EXOC4: variants seen among roughly 807,000 people sequenced by gnomAD.
The protein encoded by EXOC4 is SEC8-like 1.
EXOC4 carries 71 observed loss-of-function variants against 107.2 expected under a neutral mutation model. The ratio of observed to expected loss-of-function variants is 0.66; its 90% CI spans 0.55 to 0.81. EXOC4 has a LOEUF of 0.81. Ranked by LOEUF, EXOC4 falls within the 30% of genes least tolerant of loss-of-function variation. The pLI is 0.00. For synonymous variants in EXOC4, 456 were observed against 441.2 expected, an observed-to-expected ratio of 1.03 and a Z score of -0.42; for missense variants, 1,108 against 1,189.6, an observed-to-expected ratio of 0.93 and a Z score of 1.01.
intron 11 of EXOC4, among the ~76,000 whole-genome samples, chr7:133,878,092 C>G (rs1005561121): frequency 4.6e-5 from 7 of 152,212 alleles, no homozygotes; most frequent in Admixed American, 6.5e-5. Flanking sequence ...TTTAATTTTA[C>G]TTCCCTGCAG....
At chr7:133,977,798 CT>C (rs1282522775) in intron 14 of EXOC4, among the ~76,000 whole-genome samples, 1 of 151,610 alleles carries the variant, frequency 6.6e-6, no homozygotes, top group Non-Finnish European at 1.5e-5. Flanking sequence ...ACCCTTTCTT[CT>C]AGCAGAATTT....
At chr7:133,621,374 CA>C (rs5887638) in intron 9 of EXOC4, among the ~76,000 whole-genome samples, 21,699 of 151,084 alleles carry the variant, frequency 0.14, 1,747 homozygotes, top group East Asian at 0.24. Flanking sequence ...TGTTGAACTA[CA>C]AAAAAAAATA....
chr7:133,739,668 AC>A (rs571025093), intron 10 of EXOC4, among the ~76,000 whole-genome samples: 1 of 152,120 alleles, frequency 6.6e-6, no homozygotes, highest in South Asian at 2.1e-4. Context: ...CTTTACTTCC[AC>A]CCTTCACTGC....
At chr7:134,054,797 A>T (rs980890288) in intron 17 of EXOC4, among the ~76,000 whole-genome samples, 5 of 152,250 alleles carry the variant, frequency 3.3e-5, no homozygotes, top group South Asian at 2.1e-4. Context: ...TAGTCTTTTC[A>T]TCCACCAAAT....
chr7:133,548,277 C>T (rs1310396270), intron 9 of EXOC4, among the ~76,000 whole-genome samples: 3 of 152,046 alleles, frequency 2.0e-5, no homozygotes, highest in African/African-American at 7.2e-5. Flanking sequence ...CATCTTTCGG[C>T]TCCACTTCTA....
At chr7:133,793,413 C>G (rs1585149554) in intron 10 of EXOC4, among the ~76,000 whole-genome samples, 1 of 152,124 alleles carries the variant, frequency 6.6e-6, no homozygotes, top group East Asian at 1.9e-4. Flanking sequence ...ACAGACCCCA[C>G]GGTGAGGATC....
At chr7:133,306,769 G>T (rs1794763033) in intron 4 of EXOC4, among the ~76,000 whole-genome samples, 1 of 151,982 alleles carries the variant, frequency 6.6e-6, no homozygotes, top group Non-Finnish European at 1.5e-5. Flanking sequence ...ATTACTTAGG[G>T]TTATGTTCAG....
intron 10 of EXOC4, chr7:133,733,160 T>C (rs1264259788): frequency 5.9e-6 from 1 of 170,804 alleles, no homozygotes; most frequent in Non-Finnish European, 1.3e-5. Context: ...CTTCTTATAT[T>C]GAATGTAGCT....
intron 10 of EXOC4, among the ~76,000 whole-genome samples, chr7:133,762,446 A>G (rs1280728902): frequency 6.6e-6 from 1 of 152,208 alleles, no homozygotes; most frequent in Non-Finnish European, 1.5e-5. Context: ...ATCAAATAGT[A>G]AACCAACAAT....
intron 10 of EXOC4, among the ~76,000 whole-genome samples, chr7:133,675,892 A>G (rs1291943479): frequency 6.6e-6 from 1 of 152,120 alleles, no homozygotes; most frequent in Admixed American, 6.5e-5. Context: ...TCAACCTCAA[A>G]ATTCCCAGTG....
chr7:133,282,739 A>G lies in EXOC4; in HGVS notation c.277-6183A>G, dbSNP rs141334373. Among the ~76,000 whole-genome samples, 4 of 152,342 alleles carry G rather than the reference A, an allele frequency of 2.6e-5. No homozygotes were observed. In the East Asian group the frequency reaches 7.7e-4, roughly 29 times the overall value. On this transcript the variant is annotated intron_variant, in intron 2 of 17. Transcript: ENST00000253861. ...ACTGTGGAATGGCTAAACCAAGCTA[A>G]TTAACATATACTTCACCTCACATGC...
intron 9 of EXOC4, among the ~76,000 whole-genome samples, chr7:133,495,586 A>T (rs1217397111): frequency 6.6e-6 from 1 of 152,204 alleles, no homozygotes; most frequent in Non-Finnish European, 1.5e-5. Flanking sequence ...AATAAATAGA[A>T]TCATACTCTG....
In EXOC4 at chr7:134,039,387, A is replaced by G. The variant is rs180880781; in HGVS notation, c.2688-24904A>G. Among the ~76,000 whole-genome samples, 238 of 152,298 alleles carry G rather than the reference A, an allele frequency of 1.6e-3. 1 individual carries two copies. Among genetic ancestry groups the G allele is most frequent in the Non-Finnish European group, 4.1e-4 (28 of 68,016 alleles). On this transcript the variant is annotated intron_variant, in intron 17 of 17. Coordinates refer to ENST00000253861, the MANE Select transcript of EXOC4 (RefSeq NM_021807.4). ...ATAGATGTGAATTTTTTCTGGCAAG[A>G]TAGTCCATGATTTTACCAAATTTTG...
At chr7:133,509,966 A>AT (rs1401603316) in intron 9 of EXOC4, among the ~76,000 whole-genome samples, 1 of 152,070 alleles carries the variant, frequency 6.6e-6, no homozygotes, top group African/African-American at 2.4e-5. Flanking sequence ...CACCTGTTTT[A>AT]TTTTTAACAA....
chr7:133,518,434 T>G (rs974253999), intron 9 of EXOC4, among the ~76,000 whole-genome samples: 1 of 152,044 alleles, frequency 6.6e-6, no homozygotes, highest in East Asian at 1.9e-4. Flanking sequence ...ATTTTTTTTT[T>G]CTTTCTCCTA....
intron 10 of EXOC4, among the ~76,000 whole-genome samples, chr7:133,775,518 TA>T (rs1173583930): frequency 1.3e-5 from 2 of 152,162 alleles, no homozygotes; most frequent in African/African-American, 4.8e-5. Flanking sequence ...AGCAAGAGGA[TA>T]AATTAGTTTT....
intron 10 of EXOC4, among the ~76,000 whole-genome samples, chr7:133,730,203 G>A (rs1164294337): frequency 6.8e-6 from 1 of 148,116 alleles, no homozygotes; most frequent in African/African-American, 2.5e-5. Context: ...GCTTCTTAGT[G>A]ACCTTCTTTC....
At chr7:133,427,996 A>G (rs1184884612) in intron 7 of EXOC4, among the ~76,000 whole-genome samples, 3 of 152,206 alleles carry the variant, frequency 2.0e-5, no homozygotes, top group African/African-American at 4.8e-5. Flanking sequence ...TCAGTCTGTG[A>G]TGCTTTCAAG....
intron 17 of EXOC4, among the ~76,000 whole-genome samples, chr7:134,041,657 T>TTAG (rs1477301772): frequency 1.3e-5 from 2 of 152,202 alleles, no homozygotes; most frequent in Non-Finnish European, 2.9e-5. Context: ...CATCAGTATA[T>TTAG]TATAGAACTA....
Sources: gnomAD v4.1 joint callset for allele counts (sites outside exome capture counted in the v4.1 genomes callset) on GRCh38, gnomAD v4.1.1 for gene constraint, MANE v1.5 for transcripts, NCBI Gene and HGNC (gene_info 2026-07-23, HGNC 2026-07-21) for gene names.